Variants in TPRG1 observed in about 807,000 individuals in gnomAD.
The protein encoded by TPRG1 is tumor protein p63-regulated gene 1 protein.
In TPRG1, 29 loss-of-function variants were observed where a neutral mutation model predicts 29.3. The ratio of observed to expected loss-of-function variants is 0.99; its 90% CI spans 0.74 to 1.35. TPRG1 has a LOEUF of 1.35. TPRG1 is among the 40% of genes most tolerant of loss of function. TPRG1 has a pLI of 0.00. For missense variants in TPRG1, 327 were observed against 335.0 expected, an observed-to-expected ratio of 0.98 and a Z score of 0.19; for synonymous variants, 130 against 116.8, an observed-to-expected ratio of 1.11 and a Z score of -0.73.
intron 4 of TPRG1, among the ~76,000 whole-genome samples, chr3:189,035,015 T>C (rs916561185): frequency 3.9e-5 from 6 of 152,098 alleles, no homozygotes; most frequent in African/African-American, 1.4e-4. Flanking sequence ...GCTGGAGGTA[T>C]CAAACTAAAA....
At chr3:189,109,136 G>A (rs1411601027) in intron 1 of TPRG1, among the ~76,000 whole-genome samples, 1 of 152,084 alleles carries the variant, frequency 6.6e-6, no homozygotes, top group East Asian at 1.9e-4. Context: ...TCTGGGCTGT[G>A]TGGGAGACAG....
intron 1 of TPRG1, among the ~76,000 whole-genome samples, chr3:189,195,413 C>A (rs1233254847): frequency 1.3e-5 from 2 of 152,102 alleles, no homozygotes; most frequent in African/African-American, 4.8e-5. Context: ...ACAGAGAAAG[C>A]TGTAACAGCT....
intron 3 of TPRG1, among the ~76,000 whole-genome samples, chr3:189,018,895 CT>C (rs1713115812): frequency 6.6e-6 from 1 of 150,544 alleles, no homozygotes; most frequent in African/African-American, 2.4e-5. Context: ...TTTGTATCCT[CT>C]TTTATTTCCT....
intron 4 of TPRG1, among the ~76,000 whole-genome samples, chr3:189,054,639 C>T (rs1715540350): frequency 1.3e-5 from 2 of 151,706 alleles, no homozygotes; most frequent in African/African-American, 4.8e-5. Context: ...ACACAAAAGC[C>T]GGGTGTGGTG....
chr3:189,101,345 T>A (rs1719174110), intron 1 of TPRG1, among the ~76,000 whole-genome samples: 1 of 152,144 alleles, frequency 6.6e-6, no homozygotes, highest in African/African-American at 2.4e-5. Flanking sequence ...ATGTGACTTT[T>A]TCTTATATCC....
chr3:189,312,185 T>TTC (rs1722765839), intron 5 of TPRG1, among the ~76,000 whole-genome samples: 2 of 47,434 alleles, frequency 4.2e-5, no homozygotes, highest in African/African-American at 1.7e-4. Context: ...TTCTTTCTTT[T>TTC]TTTCTTTCTT....
chr3:189,150,396 T>C (rs1725786247), intron 4 of TPRG1, among the ~76,000 whole-genome samples: 1 of 152,182 alleles, frequency 6.6e-6, no homozygotes, highest in South Asian at 2.1e-4. Flanking sequence ...TTGGTCAGCC[T>C]GGTCTTGAAC....
chr3:189,280,266 G>GAAT (rs1469895037), intron 4 of TPRG1, among the ~76,000 whole-genome samples: 2 of 132,796 alleles, frequency 1.5e-5, no homozygotes, highest in Non-Finnish European at 3.2e-5. Context: ...TAAATGAATG[G>GAAT]AATAATATAT....
chr3:189,152,169 GT>G (rs141121407), intron 5 of TPRG1, among the ~76,000 whole-genome samples: 287 of 148,644 alleles, frequency 1.9e-3, no homozygotes, highest in South Asian at 3.4e-3. Context: ...CTTAAGATCT[GT>G]TTTTTTTTTA....
At chr3:189,295,759 G>A (rs1275431613) in intron 4 of TPRG1, among the ~76,000 whole-genome samples, 3 of 152,024 alleles carry the variant, frequency 2.0e-5, no homozygotes, top group South Asian at 2.1e-4. Flanking sequence ...ATTAAAGACC[G>A]TGCTCAAACT....
At chr3:189,266,941 T>A (rs1031000632) in intron 4 of TPRG1, among the ~76,000 whole-genome samples, 4 of 152,086 alleles carry the variant, frequency 2.6e-5, no homozygotes, top group Non-Finnish European at 4.4e-5. Context: ...CTTGGAAAGG[T>A]TAAGTTGAGA....
At chr3:189,218,363 G>A (rs768433477) in intron 3 of TPRG1, among the ~76,000 whole-genome samples, 8 of 152,064 alleles carry the variant, frequency 5.3e-5, no homozygotes, top group Non-Finnish European at 2.9e-5. Context: ...TGATCCGCCT[G>A]CCTCGGCCTC....
intron 4 of TPRG1, among the ~76,000 whole-genome samples, chr3:189,291,171 G>C (rs1417006534): frequency 1.3e-5 from 2 of 152,146 alleles, no homozygotes; most frequent in African/African-American, 4.8e-5. Flanking sequence ...AAAGTGCTGA[G>C]ATTACAGGGG....
intron 4 of TPRG1, among the ~76,000 whole-genome samples, chr3:189,297,490 C>T (rs1034741944): frequency 2.0e-5 from 3 of 152,158 alleles, no homozygotes; most frequent in Non-Finnish European, 2.9e-5. Flanking sequence ...GCTCCTCCCA[C>T]TCCCTCTGAC....
At chr3:189,167,185 CT>C (rs1209207483), upstream of TPRG1, among the ~76,000 whole-genome samples, 5 of 152,168 alleles carry the variant, frequency 3.3e-5, no homozygotes, top group Non-Finnish European at 5.9e-5. Flanking sequence ...GTAACCCACA[CT>C]TCCTCCTGAG....
At chr3:189,095,024 C>T (rs1718581816) in intron 4 of TPRG1, among the ~76,000 whole-genome samples, 2 of 152,126 alleles carry the variant, frequency 1.3e-5, no homozygotes, top group South Asian at 2.1e-4. Context: ...TGTAGACTTC[C>T]TTACAGAGAG....
intron 3 of TPRG1, among the ~76,000 whole-genome samples, chr3:189,007,528 C>T (rs944660442): frequency 7.3e-5 from 11 of 151,478 alleles, no homozygotes; most frequent in Admixed American, 1.3e-4. Flanking sequence ...ACCATTTGAC[C>T]CAGCCATCCC....
intron 1 of TPRG1, among the ~76,000 whole-genome samples, chr3:189,186,985 G>GT (rs397875585): frequency 0.31 from 27,914 of 88,830 alleles, 6,292 homozygotes; most frequent in South Asian, 0.49. Flanking sequence ...CATCTAAAGT[G>GT]TTTTTTTTTT....
At chr3:189,144,743 A>G (rs147340598) in intron 3 of TPRG1, among the ~76,000 whole-genome samples, 81 of 152,346 alleles carry the variant, frequency 5.3e-4, no homozygotes, top group African/African-American at 1.9e-3. Context: ...ATAGGAGTTT[A>G]CCATAAACAG....
Sources: allele counts gnomAD v4.1 joint callset (sites outside exome capture counted in the v4.1 genomes callset), GRCh38; gene constraint gnomAD v4.1.1; transcripts MANE v1.5; gene names NCBI Gene and HGNC (gene_info 2026-07-23, HGNC 2026-07-21).